Variants in AGAP4 observed in about 807,000 individuals in gnomAD.
AGAP4 encodes the protein ArfGAP with GTPase domain, ankyrin repeat and PH domain 4.
AGAP4 carries 13 observed loss-of-function variants against 60.7 expected under a neutral mutation model. That is an observed-to-expected ratio of 0.21 (90% CI 0.14 to 0.34). The LOEUF (loss-of-function observed/expected upper bound fraction) is 0.34, where lower values mean the gene tolerates loss of function less well. AGAP4 is among the 10% of genes least tolerant of loss of function. The pLI, the probability that AGAP4 is intolerant of heterozygous loss-of-function variation, is 1.00. For synonymous variants in AGAP4, 70 were observed against 339.0 expected, an observed-to-expected ratio of 0.21 and a Z score of 8.72; for missense variants, 169 against 884.0, an observed-to-expected ratio of 0.19 and a Z score of 10.26.
upstream of AGAP4, among the ~76,000 whole-genome samples, chr10:45,849,702 A>G (rs75650977): frequency 0.64 from 95,517 of 148,742 alleles, 31,115 homozygotes; most frequent in South Asian, 0.75. Flanking sequence ...GTGCAATGGC[A>G]TGATCTTGGC....
At chr10:45,849,963 ACT>A (rs1385697931), upstream of AGAP4, among the ~76,000 whole-genome samples, 2 of 147,524 alleles carry the variant, frequency 1.4e-5, no homozygotes, top group Non-Finnish European at 3.0e-5. Flanking sequence ...ACAGAGTCTC[ACT>A]CTGTTGCCCA....
upstream of AGAP4, among the ~76,000 whole-genome samples, chr10:45,851,362 C>T (rs1410051163): frequency 6.6e-6 from 1 of 151,976 alleles, no homozygotes. Context: ...ATATCTATAA[C>T]AGCAGCACCT....
At chr10:45,833,629 CAGA>C (rs1273386711) in intron 5 of AGAP4, among the ~76,000 whole-genome samples, 6 of 149,300 alleles carry the variant, frequency 4.0e-5, no homozygotes, top group African/African-American at 1.5e-4. Flanking sequence ...ACTGTGGTGC[CAGA>C]AGAAGAAAAG....
chr10:45,828,453 T>C (rs2058679942), intron 6 of AGAP4, among the ~76,000 whole-genome samples: 1 of 149,274 alleles, frequency 6.7e-6, no homozygotes, highest in Admixed American at 6.7e-5. Flanking sequence ...ATTTCCTAGC[T>C]TCCTTTCTCT....
upstream of AGAP4, among the ~76,000 whole-genome samples, chr10:45,849,352 A>C (rs868977178): frequency 1.4e-5 from 2 of 142,502 alleles, no homozygotes; most frequent in South Asian, 2.3e-4. Flanking sequence ...TCGACACATC[A>C]GGATTATGGG....
At chr10:45,839,506 C>A (rs1289016175) in intron 4 of AGAP4, among the ~76,000 whole-genome samples, 5 of 125,720 alleles carry the variant, frequency 4.0e-5, no homozygotes, top group Admixed American at 2.4e-4. Context: ...AAACTGTACA[C>A]CAAAAATGGA....
chr10:45,846,923 G>T (rs1184052565), intron 1 of AGAP4, among the ~76,000 whole-genome samples, 168 bp from the exon 2 acceptor site: 2 of 151,346 alleles, frequency 1.3e-5, no homozygotes, highest in Admixed American at 6.6e-5. Flanking sequence ...GAGGGGAGGC[G>T]AAAAGAAACT....
chr10:45,853,341 T>C (rs1176548264), intron 1 of AGAP4, among the ~76,000 whole-genome samples: 1 of 151,400 alleles, frequency 6.6e-6, no homozygotes, highest in Non-Finnish European at 1.5e-5. Flanking sequence ...GATATCTTAA[T>C]GAATAACATC....
upstream of AGAP4, among the ~76,000 whole-genome samples, chr10:45,849,305 C>A (rs534850877): frequency 6.7e-6 from 1 of 148,808 alleles, no homozygotes; most frequent in Non-Finnish European, 1.5e-5. Context: ...AGGATAACTG[C>A]CCCCGTGATC....
At chr10:45,843,202 CAGG>C (rs1441083719) in intron 3 of AGAP4, among the ~76,000 whole-genome samples, 1 of 114,936 alleles carries the variant, frequency 8.7e-6, no homozygotes, top group Non-Finnish European at 1.8e-5. Context: ...GAGGCTGAGG[CAGG>C]AGAATTGCTT....
intron 3 of AGAP4, among the ~76,000 whole-genome samples, chr10:45,841,892 C>T (rs1368989020): frequency 1.3e-5 from 2 of 151,844 alleles, no homozygotes; most frequent in East Asian, 1.9e-4. Context: ...ATTTAGTTTA[C>T]TTTTTGTTTC....
At chr10:45,831,906 A>G (rs2135930382) in intron 5 of AGAP4, among the ~76,000 whole-genome samples, 1 of 147,926 alleles carries the variant, frequency 6.8e-6, no homozygotes, top group South Asian at 2.2e-4. Context: ...TGCCCAGATA[A>G]TGTTTTTTTG....
chr10:45,828,428 G>C (rs1214998155), intron 6 of AGAP4, among the ~76,000 whole-genome samples: 3 of 149,814 alleles, frequency 2.0e-5, no homozygotes, highest in Admixed American at 1.3e-4. Context: ...TTTAATAAAT[G>C]TAAATGTGAT....
intron 4 of AGAP4, among the ~76,000 whole-genome samples, chr10:45,841,290 C>G (rs1205979689): frequency 1.6e-4 from 23 of 146,818 alleles, no homozygotes; most frequent in African/African-American, 5.8e-4. Flanking sequence ...TTAGTAGATA[C>G]AGAATTTCAC....
At chr10:45,852,357 G>A (rs1352063707), upstream of AGAP4, among the ~76,000 whole-genome samples, 3 of 137,640 alleles carry the variant, frequency 2.2e-5, no homozygotes, top group Non-Finnish European at 4.8e-5. Context: ...CCTAAAAGTG[G>A]GTAACTTGAA....
upstream of AGAP4, among the ~76,000 whole-genome samples, chr10:45,849,986 C>A (rs1211914648): frequency 6.6e-6 from 1 of 150,470 alleles, no homozygotes; most frequent in Non-Finnish European, 1.5e-5. Context: ...GGCAGTGGCA[C>A]AATCGTTGCT....
chr10:45,844,637 G>A, intron 2 of AGAP4: 2 of 337,666 alleles, frequency 5.9e-6, no homozygotes, highest in South Asian at 1.3e-4. Context: ...AGGCCAGCAT[G>A]AGTAACATAA....
intron 6 of AGAP4, among the ~76,000 whole-genome samples, chr10:45,828,303 A>G (rs1280271138): frequency 6.7e-6 from 1 of 148,610 alleles, no homozygotes; most frequent in Non-Finnish European, 1.5e-5. Flanking sequence ...CCAGTCAGAA[A>G]TGCCCGTGAG....
intron 6 of AGAP4, among the ~76,000 whole-genome samples, chr10:45,828,309 G>A (rs1339463076): frequency 6.1e-5 from 9 of 148,436 alleles, no homozygotes; most frequent in African/African-American, 1.2e-4. Flanking sequence ...AGAAATGCCC[G>A]TGAGTATTGA....
Sources: allele counts gnomAD v4.1 joint callset (sites outside exome capture counted in the v4.1 genomes callset), GRCh38; gene constraint gnomAD v4.1.1; transcripts MANE v1.5; gene names NCBI Gene and HGNC (gene_info 2026-07-23, HGNC 2026-07-21).